Variants in REXO1 observed in about 807,000 individuals in gnomAD.
REXO1 encodes REX1, RNA exonuclease 1 homolog.
A neutral mutation model predicts 102.6 loss-of-function variants in REXO1; 42 were observed. The ratio of observed to expected loss-of-function variants is 0.41; its 90% confidence interval spans 0.32 to 0.53. REXO1 has a LOEUF of 0.53. REXO1 is among the 20% of genes least tolerant of loss of function. REXO1 has a pLI of 0.27. For missense variants in REXO1, 1,819 were observed against 1,732.5 expected, an observed-to-expected ratio of 1.05 and a Z score of -0.89; for synonymous variants, 908 against 779.1, an observed-to-expected ratio of 1.17 and a Z score of -2.76.
chr19:1,848,093 G>C (rs1234899720), intron 1 of REXO1, 109 bp downstream of exon 1: 2 of 505,092 alleles, frequency 4.0e-6, no homozygotes, highest in African/African-American at 2.0e-5. Flanking sequence ...GCCCGCGAAC[G>C]TGTGGGGAGG....
At chr19:1,820,223 G>A (rs962625288) in intron 6 of REXO1, 41 bp downstream of exon 6, 13 of 1,594,412 alleles carry the variant, frequency 8.2e-6, no homozygotes, top group African/African-American at 2.7e-5. Flanking sequence ...TGGACCCCTA[G>A]TCCCCACCCG....
Position 1,819,974 on chromosome 19 carries a change from C to T in REXO1, c.2610G>A (p.Lys870=). The change falls in exon 7 of 16, where the codon AAG becomes AAA. Residue 870 remains lysine (K), a synonymous_variant. Coordinates refer to ENST00000170168, the MANE Select transcript of REXO1 (RefSeq NM_020695.4). The part of the protein sequence containing the change: ...YLNVAVNTLK[K]LRGLAPSAVP... The stretch of plus-strand genomic sequence containing the variant: ...CAGCGCTGGGGGCCAGGCCCCTGAG[C>T]TTCTTGAGGGTGTTCACGGCCACAT... 1 of 1,592,002 alleles carries T rather than the reference C, an allele frequency of 6.3e-7. No homozygotes were observed.
At chr19:1,819,508 G>A (rs1325563401) in intron 7 of REXO1, among the ~76,000 whole-genome samples, 3 of 152,212 alleles carry the variant, frequency 2.0e-5, no homozygotes, top group Non-Finnish European at 2.9e-5. Flanking sequence ...GCCCCTCCGA[G>A]TGCTAATGCA....
intron 1 of REXO1, chr19:1,834,930 C>A (rs1262198004): frequency 7.1e-6 from 3 of 421,448 alleles, no homozygotes; most frequent in Non-Finnish European, 1.5e-5. Flanking sequence ...TCACTGGGCT[C>A]CCCCACCCTG....
chr19:1,835,329 G>C (rs1324210708), intron 1 of REXO1, among the ~76,000 whole-genome samples: 2 of 152,058 alleles, frequency 1.3e-5, no homozygotes, highest in Non-Finnish European at 2.9e-5. Context: ...GGATCACCGA[G>C]GTCAGGAGTT....
At chr19:1,846,090 T>C (rs1467223514) in intron 1 of REXO1, among the ~76,000 whole-genome samples, 1 of 152,194 alleles carries the variant, frequency 6.6e-6, no homozygotes, top group African/African-American at 2.4e-5. Context: ...CTCTCAATCC[T>C]GGGAGGCCAG....
At position 1,827,722 on chromosome 19, in the gene REXO1, G is replaced by A. The variant is rs1232111464; in HGVS notation, c.1067C>T (p.Pro356Leu). The A allele has an allele frequency of 6.4e-7, 1 of 1,570,800 alleles. No individual in the cohort carries two copies. The highest frequency in any genetic ancestry group is 2.2e-5 in the East Asian group (1 of 44,594). Residue 356 changes from proline to leucine, a missense_variant, in exon 2 of 16, where the codon CCC becomes CTC. Pro to Leu is a moderately conservative substitution (Grantham distance 98, BLOSUM62 -3). Transcript: ENST00000170168. ...VGDLQPPPAKPASPAQVQSSQ... is the reference protein window; with the variant it reads ...VGDLQPPPAKLASPAQVQSSQ... Reference sequence around the variant, plus strand: ...GGACTGGACCTGGGCTGGGGAGGCGGGCTTGGCTGGGGGCGGCTGGAGGTC... The same window carrying A: ...GGACTGGACCTGGGCTGGGGAGGCGAGCTTGGCTGGGGGCGGCTGGAGGTC...
In REXO1 at chr19:1,818,383, G is replaced by A. The variant is rs2069432325; in HGVS notation, c.3016+99C>T. ...CCAGGGACCCTGAGTGGGATGGAGG[G>A]CCTGGGTAAAGCCTTACCCCAGTTC... On this transcript the variant is annotated intron_variant, in intron 10 of 15. Coordinates refer to ENST00000170168, the MANE Select transcript of REXO1 (RefSeq NM_020695.4). The A allele has an allele frequency of 6.9e-6, 6 of 873,308 alleles. No homozygotes were observed. The Admixed American group carries it at 7.2e-5, about 10-fold the overall frequency. The allele number at this position is 873,308 out of a possible 1,614,324, so 54.1% of individuals were successfully genotyped here.
Position 1,820,389 on chromosome 19 carries a change from TTAAACTC to T in REXO1, c.2395-1_2400del. 2 of 1,613,274 alleles carry T rather than the reference TTAAACTC, an allele frequency of 1.2e-6. No individual in the cohort carries two copies. The highest frequency in any genetic ancestry group is 1.7e-6 in the Non-Finnish European group (2 of 1,179,742). The stretch of plus-strand genomic sequence containing the variant: ...AACTCTTTGGGGATAATGGGTTTCT[TTAAACTC>T]TAGAGGGAAGGCAAAAGCTGCCATG... On this transcript the variant is annotated splice_acceptor_variant and coding_sequence_variant, in exon 6 of 16. Coordinates refer to ENST00000170168, the MANE Select transcript of REXO1 (RefSeq NM_020695.4). LOFTEE classifies it high-confidence loss of function.
At chr19:1,821,337 T>A (rs1172157487) in intron 5 of REXO1, among the ~76,000 whole-genome samples, 182 bp downstream of exon 5, 1 of 140,304 alleles carries the variant, frequency 7.1e-6, no homozygotes, top group African/African-American at 2.7e-5. Context: ...AGAGCGAGAC[T>A]CCATCTCAAA....
Position 1,828,211 on chromosome 19 carries a change from C to G in REXO1, c.578G>C (p.Gly193Ala). ...ASLDRGQGRG[G>A]GGGGALEYVP... ...GTATTCCAGGGCACCGCCACCCCCT[C>G]CACCTCTGCCCTGACCCCTGTCCAG... is the stretch of plus-strand genomic sequence containing the variant. Residue 193 changes from glycine (G) to alanine (A), a missense_variant, in exon 2 of 16, where the codon GGA becomes GCA. Transcript: ENST00000170168. 1 of 1,604,848 alleles carries G rather than the reference C, an allele frequency of 6.2e-7. No homozygotes were observed. The highest frequency in any genetic ancestry group is 1.1e-5 in the South Asian group (1 of 90,404).
At chr19:1,828,940 G>A (rs762658936) in intron 1 of REXO1, among the ~76,000 whole-genome samples, 54 of 152,342 alleles carry the variant, frequency 3.5e-4, no homozygotes, top group Non-Finnish European at 6.6e-4. Context: ...TGACCATGGT[G>A]GGGTGGACAC....
intron 1 of REXO1, among the ~76,000 whole-genome samples, chr19:1,833,129 G>A (rs2069950205): frequency 6.6e-6 from 1 of 152,164 alleles, no homozygotes; most frequent in Non-Finnish European, 1.5e-5. Flanking sequence ...GAAGGCTGAG[G>A]TGGGAGGATC....
At chr19:1,845,926 T>C (rs2011516935) in intron 1 of REXO1, among the ~76,000 whole-genome samples, 1 of 152,078 alleles carries the variant, frequency 6.6e-6, no homozygotes. Flanking sequence ...GGCCAGGTGG[T>C]AGTATGGGCA....
rs1022484033 is a variant in REXO1, at chr19:1,818,225, G to C, written c.3016+257C>G. On this transcript the variant is annotated intron_variant, in intron 10 of 15. Transcript: ENST00000170168. ...ATGGACCAAGGGCACAGGAAGGCAG[G>C]GACACAGGGCCTTTCAGGTGGTGGC... Among the ~76,000 whole-genome samples the C allele has an allele frequency of 1.1e-4, 16 of 152,340 alleles. 1 individual carries two copies. In the South Asian group the frequency reaches 2.5e-3, roughly 24 times the overall value.
At chr19:1,833,776 C>T (rs566415058) in intron 1 of REXO1, among the ~76,000 whole-genome samples, 3 of 152,248 alleles carry the variant, frequency 2.0e-5, no homozygotes, top group Non-Finnish European at 2.9e-5. Context: ...CCCCCAGCCC[C>T]GGAAGCCCGG....
intron 1 of REXO1, among the ~76,000 whole-genome samples, chr19:1,845,117 G>A (rs978915081): frequency 2.0e-5 from 3 of 152,168 alleles, no homozygotes; most frequent in African/African-American, 7.2e-5. Context: ...GAGGAAGGTG[G>A]GATCTAGCCC....
At position 1,815,604 on chromosome 19, in the gene REXO1, G is replaced by A; in HGVS notation, c.*462C>T. 2.0e-6 allele frequency: 2 copies of A among 1,024,802 alleles called. No homozygotes were observed. Among genetic ancestry groups the A allele is most frequent in the Non-Finnish European group, 2.5e-6 (2 of 806,734 alleles). The allele number at this position is 1,024,802 out of a possible 1,614,324, so 63.5% of individuals were successfully genotyped here. On this transcript the variant is annotated 3_prime_UTR_variant, in exon 16 of 16. Transcript: ENST00000170168. This position sits in a 1 kb window ranked among gnomAD's most constrained non-coding sequence, Gnocchi z 4.0. The stretch of plus-strand genomic sequence containing the variant: ...GGCAGCAGGCCCGCTCTTCCCGGTG[G>A]GAAAGATGCTGTGCAAGTCATCAGG...
In REXO1 at chr19:1,817,759, T is replaced by C. The variant is rs1228173072; in HGVS notation, c.3038A>G (p.Gln1013Arg). The C allele has an allele frequency of 6.2e-7, 1 of 1,612,194 alleles. No individual in the cohort carries two copies. The highest frequency in any genetic ancestry group is 8.5e-7 in the Non-Finnish European group (1 of 1,179,722). The part of the protein sequence containing the change: ...RNRVAGGWET[Q>R]YMCCSAAAGS... ...GGCGGCAGCCGAGCAGCACATGTAC[T>C]GGGTCTCCCAGCCTCCGGCCACTGC... Residue 1013 changes from glutamine to arginine, a missense_variant, in exon 11 of 16, where the codon CAG (glutamine) becomes CGG (arginine). Gln to Arg is a conservative substitution (Grantham distance 43). Transcript: ENST00000170168.
Sources: allele counts gnomAD v4.1 joint callset (sites outside exome capture counted in the v4.1 genomes callset), GRCh38; gene constraint gnomAD v4.1.1; non-coding constraint Gnocchi (gnomAD v3.1); transcripts MANE v1.5; gene names NCBI Gene and HGNC (gene_info 2026-07-23, HGNC 2026-07-21).